AKAP13: variants seen among roughly 807,000 people sequenced by gnomAD.
AKAP13 encodes the protein A-kinase anchoring protein 13.
In AKAP13, 80 loss-of-function variants were observed where a neutral mutation model predicts 264.5. The ratio of observed to expected loss-of-function variants is 0.30; its 90% CI spans 0.25 to 0.36. The LOEUF is 0.36. AKAP13 is among the 10% of genes least tolerant of loss of function. The pLI is 1.00. For synonymous variants in AKAP13, 1,380 were observed against 1,250.2 expected, an observed-to-expected ratio of 1.10 and a Z score of -2.19; for missense variants, 3,712 against 3,435.2, an observed-to-expected ratio of 1.08 and a Z score of -2.01.
At chr15:85,456,544 C>G (rs1034809313) in intron 1 of AKAP13, among the ~76,000 whole-genome samples, 1 of 136,720 alleles carries the variant, frequency 7.3e-6, no homozygotes, top group African/African-American at 2.9e-5. Context: ...GAGTAGCCCA[C>G]TTTCTGTTTT....
intron 1 of AKAP13, among the ~76,000 whole-genome samples, chr15:85,395,466 TGGAA>T (rs2071065866): frequency 6.6e-6 from 1 of 152,178 alleles, no homozygotes; most frequent in Admixed American, 6.5e-5. Context: ...TATGGTAACT[TGGAA>T]GGAATATTTT....
intron 29 of AKAP13, among the ~76,000 whole-genome samples, chr15:85,728,422 A>G (rs2087748734): frequency 6.6e-6 from 1 of 152,230 alleles, no homozygotes; most frequent in African/African-American, 2.4e-5. Flanking sequence ...TTAGGATGAC[A>G]AGGATAAAAA....
At chr15:85,652,020 C>T (rs1046673740) in intron 10 of AKAP13, among the ~76,000 whole-genome samples, 2 of 152,130 alleles carry the variant, frequency 1.3e-5, no homozygotes, top group African/African-American at 4.8e-5. Context: ...CTGCATACTG[C>T]AGTAAAAATA....
chr15:85,452,471 TGTTG>T (rs2074126802), intron 1 of AKAP13, among the ~76,000 whole-genome samples: 1 of 152,214 alleles, frequency 6.6e-6, no homozygotes, highest in South Asian at 2.1e-4. Context: ...AGAGTTCTTG[TGTTG>T]GTTATTTCTC....
intron 2 of AKAP13, among the ~76,000 whole-genome samples, chr15:85,491,712 A>G (rs1251376315): frequency 6.6e-6 from 1 of 151,920 alleles, no homozygotes; most frequent in Non-Finnish European, 1.5e-5. Context: ...GTATAATATG[A>G]TTTAATAGTA....
chr15:85,611,706 CTTTTCCT>C (rs2080634058), intron 8 of AKAP13, among the ~76,000 whole-genome samples: 1 of 152,218 alleles, frequency 6.6e-6, no homozygotes, highest in Non-Finnish European at 1.5e-5. Context: ...TCTTCGATTG[CTTTTCCT>C]ATTGTAGCGA....
intron 31 of AKAP13, 91 bp downstream of exon 31, chr15:85,735,241 G>A (rs1030154454): frequency 3.5e-5 from 52 of 1,494,664 alleles, no homozygotes; most frequent in East Asian, 4.6e-5. Flanking sequence ...CTACATCACC[G>A]CTCCCAATCA....
chr15:85,581,945 G>A lies in AKAP13; in HGVS notation c.3877G>A (p.Glu1293Lys). The change falls in exon 7 of 37, where the codon GAG (glutamate) becomes AAG (lysine). Residue 1293 changes from glutamate to lysine, a missense_variant. Physicochemically the swap from Glu to Lys is moderately conservative, Grantham distance 56 (BLOSUM62 1). Coordinates refer to ENST00000394518, the MANE Select transcript of AKAP13 (RefSeq NM_007200.5). ...PELGPLTKGL[E>K]SAFTEKVSTF... The stretch of plus-strand genomic sequence containing the variant: ...GTTGGGTCCTCTCACTAAAGGACTA[G>A]AGAGTGCTTTTACAGAAAAAGTGAG... The A allele has an allele frequency of 4.3e-6, 7 of 1,614,194 alleles. No homozygotes were observed. Among genetic ancestry groups the A allele is most frequent in the Non-Finnish European group, 5.9e-6 (7 of 1,180,026 alleles).
In AKAP13 at chr15:85,414,373, A is replaced by G. The variant is rs1361171399; in HGVS notation, c.-12+33575A>G. ...AATGAGAACTTATGAATAGTAGCACAGTAAAAAAAAATCCAAGAGGAATAA... is the reference window on the plus strand; with the variant it reads ...AATGAGAACTTATGAATAGTAGCACGGTAAAAAAAAATCCAAGAGGAATAA... On this transcript the variant is annotated intron_variant, in intron 1 of 36. Coordinates refer to ENST00000394518, the MANE Select transcript of AKAP13 (RefSeq NM_007200.5). Among the ~76,000 whole-genome samples the G allele has an allele frequency of 2.0e-5, 3 of 152,222 alleles. No homozygotes were observed. The East Asian group carries it at 5.8e-4, about 29-fold the overall frequency.
At chr15:85,663,264 C>T (rs891761455) in intron 12 of AKAP13, among the ~76,000 whole-genome samples, 3 of 149,364 alleles carry the variant, frequency 2.0e-5, no homozygotes, top group East Asian at 2.0e-4. Flanking sequence ...GAGCCAAGGT[C>T]GTGCCACTGC....
chr15:85,478,414 T>C (rs565006170), intron 1 of AKAP13, among the ~76,000 whole-genome samples: 19 of 152,344 alleles, frequency 1.2e-4, no homozygotes, highest in African/African-American at 4.6e-4. Flanking sequence ...TACATTTAAC[T>C]TACTATTTTA....
Position 85,695,131 on chromosome 15 carries a change from G to A in AKAP13, c.5464+1680G>A, listed in dbSNP as rs552908959. Among the ~76,000 whole-genome samples the A allele has an allele frequency of 1.6e-4, 24 of 152,280 alleles. 1 individual carries two copies. The highest frequency in any genetic ancestry group is 5.5e-4 in the African/African-American group (23 of 41,564). On this transcript the variant is annotated intron_variant, in intron 17 of 36. Coordinates refer to ENST00000394518, the MANE Select transcript of AKAP13 (RefSeq NM_007200.5). ...GTTTAAAAGTGTATTTGGGCCAGGC[G>A]TGGTGGCTCACGACTATAATCATAG...
chr15:85,610,339 C>T (rs1180865491), intron 8 of AKAP13, among the ~76,000 whole-genome samples: 1 of 152,154 alleles, frequency 6.6e-6, no homozygotes, highest in Non-Finnish European at 1.5e-5. Context: ...AACACTTGTC[C>T]ACCCTGCCTC....
chr15:85,741,243 GCGTGAGTGGGAAGCT>G lies in AKAP13; in HGVS notation c.7813_7827del (p.Trp2605_Glu2609del). 1 of 1,609,470 alleles carries G rather than the reference GCGTGAGTGGGAAGCT, an allele frequency of 6.2e-7. No individual in the cohort carries two copies. The highest frequency in any genetic ancestry group is 1.1e-5 in the South Asian group (1 of 90,502). ...ACCTCGAGGAGAAGCGCAGGCGCGA[GCGTGAGTGGGAAGCT>G]CGTGAGAGGGAGCTGCGGGAGCGGG... is the stretch of plus-strand genomic sequence containing the variant. On this transcript the variant is annotated inframe_deletion, in exon 35 of 37. Coordinates refer to ENST00000394518, the MANE Select transcript of AKAP13 (RefSeq NM_007200.5).
At chr15:85,641,752 C>T (rs1459050387) in intron 9 of AKAP13, among the ~76,000 whole-genome samples, 4 of 151,982 alleles carry the variant, frequency 2.6e-5, no homozygotes, top group Non-Finnish European at 5.9e-5. Flanking sequence ...TTCCAAAGTG[C>T]TTACAAAGGG....
chr15:85,419,556 A>C (rs977221906), intron 1 of AKAP13, among the ~76,000 whole-genome samples: 52 of 152,334 alleles, frequency 3.4e-4, no homozygotes, highest in African/African-American at 1.2e-3. Flanking sequence ...AGAGTGAAAG[A>C]TTCTTGGTAT....
chr15:85,528,153 C>T (rs549833709), intron 3 of AKAP13, among the ~76,000 whole-genome samples: 17 of 152,264 alleles, frequency 1.1e-4, no homozygotes, highest in African/African-American at 2.6e-4. Flanking sequence ...TCCATGGGTG[C>T]GGTGCTCCAT....
intron 2 of AKAP13, chr15:85,520,567 T>A (rs928509500): frequency 1.6e-5 from 8 of 489,878 alleles, no homozygotes; most frequent in Non-Finnish European, 3.2e-5. Context: ...AGTTGCAAAG[T>A]CATAGACAAA....
In AKAP13 at chr15:85,664,622, T is replaced by G; in HGVS notation, c.4859T>G (p.Leu1620Arg). The change falls in exon 13 of 37, where the codon CTA (leucine) becomes CGA (arginine). Residue 1620 changes from leucine to arginine, a missense_variant. This residue lies in a region of AKAP13 where 2,759 missense variants were observed against 2,411.7 expected (regional missense o/e 1.14). Transcript: ENST00000394518. Reference protein sequence around the residue: ...AGVGNKPSSSLEVSSANAEEL... With the variant: ...AGVGNKPSSSREVSSANAEEL... The stretch of plus-strand genomic sequence containing the variant: ...GTCGGAAACAAGCCATCCTCATCTC[T>G]AGAAGTAAGCTCTGCAAATGCCGAA... 1 of 1,614,090 alleles carries G rather than the reference T, an allele frequency of 6.2e-7. No homozygotes were observed. The highest frequency in any genetic ancestry group is 8.5e-7 in the Non-Finnish European group (1 of 1,179,948).
Sources: gnomAD v4.1 joint callset for allele counts (sites outside exome capture counted in the v4.1 genomes callset) on GRCh38, gnomAD v4.1.1 for gene constraint, gnomAD v4.1.1 regional missense constraint, MANE v1.5 for transcripts, NCBI Gene and HGNC (gene_info 2026-07-23, HGNC 2026-07-21) for gene names.